ABCC1: variants seen among roughly 807,000 people sequenced by gnomAD.
ABCC1 encodes the protein multidrug resistance-associated protein 1.
Under a neutral mutation model 172.9 loss-of-function variants are expected in ABCC1, and 83 were observed. The ratio of observed to expected loss-of-function variants is 0.48; its 90% CI spans 0.40 to 0.58. The LOEUF is 0.58. ABCC1 is among the 20% of genes least tolerant of loss of function. The probability of loss-of-function intolerance (pLI) is 0.00; values close to 1 mark genes in which losing one functional copy is unlikely to be tolerated. For missense variants in ABCC1, 1,817 were observed against 2,002.7 expected (o/e 0.91, Z 1.77); for synonymous variants, 937 against 825.2 (o/e 1.14, Z -2.32).
chr16:16,026,465 C>CTTTTTTTTTTTTT (rs1157942197), intron 5 of ABCC1, among the ~76,000 whole-genome samples: 2 of 95,498 alleles, frequency 2.1e-5, no homozygotes, highest in African/African-American at 8.2e-5. Context: ...AGGCTATTTC[C>CTTTTTTTTTTTTT]TTTTTTTTTT....
intron 1 of ABCC1, among the ~76,000 whole-genome samples, chr16:15,953,021 C>A (rs2045911952): frequency 6.7e-6 from 1 of 150,104 alleles, no homozygotes; most frequent in Non-Finnish European, 1.5e-5. Flanking sequence ...CCAGTCTGGG[C>A]CACAGACTGA....
At chr16:16,050,863 C>T (rs1366409715) in intron 10 of ABCC1, among the ~76,000 whole-genome samples, 1 of 151,596 alleles carries the variant, frequency 6.6e-6, no homozygotes, top group African/African-American at 2.4e-5. Context: ...AGGATCACAC[C>T]ACTGCACTCC....
chr16:16,043,817 G>T lies in ABCC1; in HGVS notation c.810-633G>T, dbSNP rs186573923. Among the ~76,000 whole-genome samples, 71 of 151,636 alleles carry T rather than the reference G, an allele frequency of 4.7e-4. 1 individual carries two copies. The highest frequency in any genetic ancestry group is 9.7e-4 in the African/African-American group (40 of 41,310). On this transcript the variant is annotated intron_variant, in intron 7 of 30. Transcript: ENST00000399410. ...GGGTTTCACTATGTTGGTCAGGCTG[G>T]TCTCAAACTCCTGACCCCAAGTGAT...
chr16:16,100,417 C>G (rs535774852), intron 19 of ABCC1, among the ~76,000 whole-genome samples: 8 of 152,136 alleles, frequency 5.3e-5, no homozygotes, highest in Non-Finnish European at 1.0e-4. Context: ...TGGGAGTGTT[C>G]TGGAACATTC....
intron 19 of ABCC1, chr16:16,094,523 C>CTTTTTCT (rs1555497721): frequency 2.0e-5 from 3 of 153,308 alleles, no homozygotes; most frequent in African/African-American, 7.3e-5. Context: ...TTTTCTTTTT[C>CTTTTTCT]TTTTTTTTGA....
chr16:16,022,266 A>C (rs1388090532), intron 5 of ABCC1, among the ~76,000 whole-genome samples: 1 of 152,092 alleles, frequency 6.6e-6, no homozygotes, highest in Admixed American at 6.6e-5. Flanking sequence ...TCCATGACTC[A>C]GATGTCTATT....
intron 12 of ABCC1, among the ~76,000 whole-genome samples, chr16:16,066,235 G>T (rs1346097667): frequency 1.3e-5 from 2 of 151,916 alleles, no homozygotes; most frequent in African/African-American, 4.8e-5. Flanking sequence ...CACCTGAAGC[G>T]CAATGGCATG....
rs572857960 is a variant in ABCC1, at chr16:16,126,497, C to A, written c.3819+586C>A. Among the ~76,000 whole-genome samples the A allele has an allele frequency of 7.2e-5, 11 of 152,304 alleles. No individual in the cohort carries two copies. The South Asian group carries it at 2.3e-3, about 32-fold the overall frequency. ...CTCCCAGGTTCAAGTAATTCTCCTG[C>A]CTCAGCCTCCCAAATAGTTGGGATT... On this transcript the variant is annotated intron_variant, in intron 26 of 30. Coordinates refer to ENST00000399410, the MANE Select transcript of ABCC1 (RefSeq NM_004996.4).
chr16:16,138,404 C>T lies in ABCC1; in HGVS notation c.4333C>T (p.Leu1445=). 6.2e-7 allele frequency: 1 copy of T among 1,606,250 alleles called. No individual in the cohort carries two copies. The highest frequency in any genetic ancestry group is 8.5e-7 in the Non-Finnish European group (1 of 1,173,552). Residue 1445 remains leucine (L), a synonymous_variant, in exon 30 of 31, where the codon CTG becomes TTG. Transcript: ENST00000399410. The part of the protein sequence containing the change: ...RQLVCLARAL[L]RKTKILVLDE... The stretch of plus-strand genomic sequence containing the variant: ...GCTTGTGTGCCTAGCCCGGGCCCTG[C>T]TGAGGAAGACGAAGATCCTTGTGTT...
chr16:16,131,155 G>GT (rs1273196613), intron 26 of ABCC1, among the ~76,000 whole-genome samples: 5 of 152,116 alleles, frequency 3.3e-5, no homozygotes, highest in African/African-American at 1.2e-4. Context: ...CAAATCAGTT[G>GT]TACAATTATT....
chr16:16,039,579 T>C (rs1185406051), intron 7 of ABCC1, among the ~76,000 whole-genome samples: 1 of 151,976 alleles, frequency 6.6e-6, no homozygotes. Context: ...GAGAGAGGTG[T>C]TTTAGATACA....
intron 30 of ABCC1, among the ~76,000 whole-genome samples, chr16:16,140,128 G>A (rs1031000754): frequency 6.6e-6 from 1 of 152,220 alleles, no homozygotes; most frequent in Non-Finnish European, 1.5e-5. Flanking sequence ...ACAGCCGAAT[G>A]TAAAAATGAA....
At chr16:16,113,755 A>G (rs2044726991) in intron 22 of ABCC1, among the ~76,000 whole-genome samples, 1 of 152,230 alleles carries the variant, frequency 6.6e-6, no homozygotes, top group South Asian at 2.1e-4. Context: ...GCACTGTTCT[A>G]AAACAGCGAT....
intron 1 of ABCC1, among the ~76,000 whole-genome samples, chr16:15,985,977 T>A (rs1363235873): frequency 2.0e-5 from 3 of 151,530 alleles, no homozygotes; most frequent in Non-Finnish European, 4.4e-5. Flanking sequence ...CTCCTTTACT[T>A]TTTTTTTATT....
chr16:16,070,473 G>T (rs574320051), intron 13 of ABCC1, among the ~76,000 whole-genome samples: 47 of 152,144 alleles, frequency 3.1e-4, no homozygotes, highest in Non-Finnish European at 5.3e-4. Context: ...GACCATCCTG[G>T]CTAACACGGT....
At chr16:15,975,728 G>C (rs564390460) in intron 1 of ABCC1, among the ~76,000 whole-genome samples, 1 of 151,534 alleles carries the variant, frequency 6.6e-6, no homozygotes, top group East Asian at 2.0e-4. Context: ...GGCTAATTTT[G>C]AATTTTTATT....
intron 1 of ABCC1, among the ~76,000 whole-genome samples, chr16:15,968,458 AGTGCAGGTGGC>A (rs2046296083): frequency 6.6e-6 from 1 of 152,048 alleles, no homozygotes; most frequent in African/African-American, 2.4e-5. Context: ...CCCAGGCTGG[AGTGCAGGTGGC>A]GTGATCTCTG....
At chr16:16,061,026 G>A (rs2049885805) in intron 12 of ABCC1, among the ~76,000 whole-genome samples, 1 of 152,070 alleles carries the variant, frequency 6.6e-6, no homozygotes, top group Non-Finnish European at 1.5e-5. Context: ...CAGGGTTCAA[G>A]CAATTCTCCT....
intron 27 of ABCC1, among the ~76,000 whole-genome samples, 193 bp from the exon 28 acceptor site, chr16:16,134,155 AAG>A (rs1438169966): frequency 6.6e-6 from 1 of 152,104 alleles, no homozygotes; most frequent in Non-Finnish European, 1.5e-5. Flanking sequence ...TGGCAAAGGG[AAG>A]AGAGTCCTTC....
Sources: gnomAD v4.1 joint callset for allele counts (sites outside exome capture counted in the v4.1 genomes callset) on GRCh38, gnomAD v4.1.1 for gene constraint, MANE v1.5 for transcripts, NCBI Gene and HGNC (gene_info 2026-07-23, HGNC 2026-07-21) for gene names.